Variants in SLC71A1 observed in about 807,000 individuals in gnomAD.
The protein encoded by SLC71A1 is solute carrier family 71 member 1.
chr1:100,054,023 G>A, the SLC71A1 span, among the ~76,000 whole-genome samples: 2 of 150,484 alleles, frequency 1.3e-5, no homozygotes, highest in Non-Finnish European at 3.0e-5. Context: ...GGAATTTACC[G>A]GTTTTTTTTT....
At chr1:100,047,989 T>G in the SLC71A1 span, among the ~76,000 whole-genome samples, 2 of 152,164 alleles carry the variant, frequency 1.3e-5, no homozygotes, top group Non-Finnish European at 2.9e-5. Context: ...TAAATTTTAT[T>G]TACATTGAGG....
the SLC71A1 span, among the ~76,000 whole-genome samples, chr1:100,056,849 C>T: frequency 6.6e-6 from 1 of 152,118 alleles, no homozygotes; most frequent in Non-Finnish European, 1.5e-5. Flanking sequence ...CCTTGCCTAT[C>T]TTTTGGATAA....
At chr1:100,040,093 C>T in the SLC71A1 span, among the ~76,000 whole-genome samples, 1 of 152,198 alleles carries the variant, frequency 6.6e-6, no homozygotes, top group Non-Finnish European at 1.5e-5. Context: ...CATTTCTCAT[C>T]TTTATACACT....
At chr1:100,050,039 C>A in the SLC71A1 span, 1 of 1,081,704 alleles carries the variant, frequency 9.2e-7, no homozygotes, top group Non-Finnish European at 1.4e-6. Context: ...ACACTGACTC[C>A]AAAATCTCTT....
At chr1:100,062,055 G>T in the SLC71A1 span, 10 of 664,182 alleles carry the variant, frequency 1.5e-5, no homozygotes, top group South Asian at 1.7e-4. Flanking sequence ...AGATTTTTGC[G>T]TAAAATATAT....
At chr1:100,078,462 C>G in the SLC71A1 span, 1 of 1,611,298 alleles carries the variant, frequency 6.2e-7, no homozygotes, top group Non-Finnish European at 8.5e-7. Flanking sequence ...ATGATGTGGG[C>G]TGCTGGGGCA....
chr1:100,082,907 C>A, the SLC71A1 span: 4 of 152,534 alleles, frequency 2.6e-5, no homozygotes, highest in Non-Finnish European at 5.9e-5. Context: ...CCAGCTACTT[C>A]TTATACCACT....
chr1:100,063,971 A>C, the SLC71A1 span, among the ~76,000 whole-genome samples: 1 of 151,988 alleles, frequency 6.6e-6, no homozygotes, highest in African/African-American at 2.4e-5. Flanking sequence ...GTCTTCAGTG[A>C]CCCTCATAGT....
the SLC71A1 span, among the ~76,000 whole-genome samples, chr1:100,055,336 T>C: frequency 6.7e-6 from 1 of 149,686 alleles, no homozygotes; most frequent in African/African-American, 2.5e-5. Flanking sequence ...GGACTAGATC[T>C]TTTTTGCAAT....
the SLC71A1 span, chr1:100,043,004 C>A: frequency 1.4e-6 from 1 of 729,502 alleles, no homozygotes; most frequent in Non-Finnish European, 1.7e-6. Flanking sequence ...AGCTCCTTAC[C>A]TCCATGGTTC....
chr1:100,061,729 G>A, the SLC71A1 span: 1 of 717,932 alleles, frequency 1.4e-6, no homozygotes, highest in Admixed American at 2.6e-5. Context: ...CTAGTAAGCT[G>A]TTGACTGAAA....
At chr1:100,068,360 G>A in the SLC71A1 span, 3 of 929,560 alleles carry the variant, frequency 3.2e-6, no homozygotes. Flanking sequence ...AAATAAAAAG[G>A]ACAACTAGTT....
the SLC71A1 span, chr1:100,058,694 C>T: frequency 6.3e-7 from 1 of 1,582,304 alleles, no homozygotes; most frequent in Non-Finnish European, 8.7e-7. Context: ...CCTAAACATA[C>T]ATTTCTGATG....
chr1:100,042,536 G>A, the SLC71A1 span, among the ~76,000 whole-genome samples: 27 of 152,240 alleles, frequency 1.8e-4, no homozygotes, highest in African/African-American at 6.5e-4. Flanking sequence ...TAGACCCAGA[G>A]AGCTGTTAAA....
At chr1:100,078,613 C>G in the SLC71A1 span, 3 of 1,104,170 alleles carry the variant, frequency 2.7e-6, no homozygotes, top group Non-Finnish European at 2.7e-6. Context: ...TGTGTTCTGT[C>G]TCCTATGTAC....
chr1:100,067,153 CT>C, the SLC71A1 span, among the ~76,000 whole-genome samples: 2 of 152,108 alleles, frequency 1.3e-5, no homozygotes, highest in African/African-American at 2.4e-5. Context: ...AAAAAAATCT[CT>C]TTTACCTATG....
At chr1:100,074,846 G>C in the SLC71A1 span, among the ~76,000 whole-genome samples, 1 of 152,130 alleles carries the variant, frequency 6.6e-6, no homozygotes, top group African/African-American at 2.4e-5. Flanking sequence ...CTGCACTCTA[G>C]CCTTGGCAAC....
chr1:100,050,014 C>CT, the SLC71A1 span: 3 of 1,424,000 alleles, frequency 2.1e-6, no homozygotes, highest in Non-Finnish European at 2.9e-6. Flanking sequence ...GGTAAGTAAT[C>CT]TTTTAAATTA....
chr1:100,052,452 G>A, the SLC71A1 span, among the ~76,000 whole-genome samples: 11 of 132,558 alleles, frequency 8.3e-5, no homozygotes, highest in South Asian at 7.0e-4. Context: ...TTTTTGAGAC[G>A]GAGTCTCGCT....
Sources: allele counts gnomAD v4.1 joint callset (sites outside exome capture counted in the v4.1 genomes callset), GRCh38; gene constraint gnomAD v4.1.1; transcripts MANE v1.5; gene names NCBI Gene and HGNC (gene_info 2026-07-23, HGNC 2026-07-21).